Variants in ANKS1B observed in about 807,000 individuals in gnomAD.
The protein encoded by ANKS1B is ankyrin repeat and sterile alpha motif domain-containing protein 1B.
ANKS1B carries 36 observed loss-of-function variants against 148.3 expected under a neutral mutation model. That is an observed-to-expected ratio of 0.24 (90% CI 0.19 to 0.32). ANKS1B has a LOEUF of 0.32. Ranked by LOEUF, ANKS1B falls within the 10% of genes least tolerant of loss-of-function variation. The pLI, the probability that ANKS1B is intolerant of heterozygous loss-of-function variation, is 1.00. For missense variants in ANKS1B, 1,157 were observed against 1,542.6 expected (o/e 0.75, Z 4.19); for synonymous variants, 542 against 560.8 (o/e 0.97, Z 0.47).
At chr12:99,117,952 C>G (rs761993194) in intron 15 of ANKS1B, among the ~76,000 whole-genome samples, 33 of 152,148 alleles carry the variant, frequency 2.2e-4, no homozygotes, top group Non-Finnish European at 4.1e-4. Context: ...AGGGATTTAT[C>G]CATTTCTTCT....
At chr12:99,181,618 A>AT (rs2079120569) in intron 14 of ANKS1B, among the ~76,000 whole-genome samples, 1 of 152,006 alleles carries the variant, frequency 6.6e-6, no homozygotes, top group African/African-American at 2.4e-5. Flanking sequence ...TGGGAAAAAC[A>AT]TTTTTTCAAG....
At chr12:98,988,933 A>G (rs1362913877) in intron 17 of ANKS1B, among the ~76,000 whole-genome samples, 3 of 152,038 alleles carry the variant, frequency 2.0e-5, no homozygotes, top group Non-Finnish European at 4.4e-5. Flanking sequence ...TCCTTTGCCT[A>G]TTTTTAAATT....
At chr12:99,157,880 T>C (rs960955006) in intron 14 of ANKS1B, among the ~76,000 whole-genome samples, 26 of 152,206 alleles carry the variant, frequency 1.7e-4, no homozygotes, top group African/African-American at 6.3e-4. Flanking sequence ...CAGACTGCTA[T>C]ATAAGAACAC....
At chr12:99,707,690 A>G (rs2056026632) in intron 8 of ANKS1B, among the ~76,000 whole-genome samples, 1 of 152,044 alleles carries the variant, frequency 6.6e-6, no homozygotes, top group African/African-American at 2.4e-5. Context: ...ACAGAAAGAA[A>G]GGGCAGCAGG....
At chr12:99,221,021 A>T (rs2085042570) in intron 14 of ANKS1B, among the ~76,000 whole-genome samples, 6 of 152,182 alleles carry the variant, frequency 3.9e-5, no homozygotes, top group Admixed American at 3.9e-4. Flanking sequence ...AGGCTTGATT[A>T]AATAAACTAC....
At chr12:99,216,647 TAG>T (rs2084245590) in intron 14 of ANKS1B, among the ~76,000 whole-genome samples, 1 of 152,220 alleles carries the variant, frequency 6.6e-6, no homozygotes, top group Admixed American at 6.5e-5. Flanking sequence ...AAAATCTTAG[TAG>T]AGATCTGTGG....
At chr12:99,956,041 G>A (rs1315630244) in intron 1 of ANKS1B, among the ~76,000 whole-genome samples, 1 of 152,090 alleles carries the variant, frequency 6.6e-6, no homozygotes, top group Non-Finnish European at 1.5e-5. Flanking sequence ...TTGGGAGGCC[G>A]AGGCAGGCAG....
At chr12:99,544,557 G>A (rs1051616047) in intron 9 of ANKS1B, among the ~76,000 whole-genome samples, 3 of 152,172 alleles carry the variant, frequency 2.0e-5, no homozygotes, top group African/African-American at 7.2e-5. Context: ...AACACAGTAT[G>A]AGCTTTCTTT....
At chr12:99,092,742 G>T (rs934895662) in intron 15 of ANKS1B, among the ~76,000 whole-genome samples, 4 of 152,152 alleles carry the variant, frequency 2.6e-5, no homozygotes, top group African/African-American at 9.7e-5. Context: ...GAAGCAAAAA[G>T]AATTTGCTCC....
rs75441198 is a variant in ANKS1B at position 99,849,457 on chromosome 12, G to A, written c.135-24068C>T. Among the ~76,000 whole-genome samples the A allele has an allele frequency of 7.9e-3, 1,206 of 152,110 alleles. 14 individuals are homozygous for A. The highest frequency in any genetic ancestry group is 0.027 in the African/African-American group (1,140 of 41,494). On this transcript the variant is annotated intron_variant, in intron 1 of 26. Transcript: ENST00000683438. ...CCCTGCTAGTAAAATATAAATTGGT[G>A]CAAACACTGGAAAGTTACTTAGTAG... is the stretch of plus-strand genomic sequence containing the variant.
At chr12:99,773,267 C>G (rs1018966472) in intron 7 of ANKS1B, among the ~76,000 whole-genome samples, 179 bp from the exon 8 acceptor site, 1 of 151,956 alleles carries the variant, frequency 6.6e-6, no homozygotes, top group African/African-American at 2.4e-5. Flanking sequence ...TATTAATGGG[C>G]AAAAGAGATT....
At chr12:99,314,451 T>C (rs912723153) in intron 12 of ANKS1B, among the ~76,000 whole-genome samples, 5 of 152,020 alleles carry the variant, frequency 3.3e-5, no homozygotes, top group African/African-American at 9.7e-5. Flanking sequence ...GAAGACCCCA[T>C]ATATCCAAGA....
At chr12:99,710,788 G>A (rs375577818) in intron 8 of ANKS1B, among the ~76,000 whole-genome samples, 7 of 152,098 alleles carry the variant, frequency 4.6e-5, no homozygotes, top group East Asian at 1.9e-4. Flanking sequence ...GACCTATATA[G>A]ACCCAAAACA....
chr12:98,915,486 G>A (rs2152868794), intron 17 of ANKS1B, among the ~76,000 whole-genome samples: 1 of 152,196 alleles, frequency 6.6e-6, no homozygotes, highest in East Asian at 1.9e-4. Context: ...TGAGTAGCTG[G>A]GACTACAGGC....
chr12:98,885,335 G>A (rs557974908), intron 17 of ANKS1B, among the ~76,000 whole-genome samples: 7 of 152,336 alleles, frequency 4.6e-5, no homozygotes, highest in Admixed American at 2.0e-4. Context: ...ACAGGCTAAA[G>A]AGACACAGTG....
chr12:98,740,544 C>T (rs1009032405), downstream of ANKS1B, among the ~76,000 whole-genome samples: 1 of 152,194 alleles, frequency 6.6e-6, no homozygotes, highest in African/African-American at 2.4e-5. Flanking sequence ...GGATGATCAC[C>T]AATCCCTCTT....
chr12:99,036,970 T>C (rs1315999539), intron 17 of ANKS1B, among the ~76,000 whole-genome samples: 1 of 152,192 alleles, frequency 6.6e-6, no homozygotes, highest in Non-Finnish European at 1.5e-5. Flanking sequence ...GCAGCACTTG[T>C]TTTTCTTTTG....
At chr12:99,388,620 T>C (rs985365924) in intron 12 of ANKS1B, among the ~76,000 whole-genome samples, 1 of 152,160 alleles carries the variant, frequency 6.6e-6, no homozygotes, top group Non-Finnish European at 1.5e-5. Context: ...ATTTATTATC[T>C]CACAGTTTAC....
At chr12:98,845,400 A>G (rs997640132) in intron 17 of ANKS1B, among the ~76,000 whole-genome samples, 4 of 152,184 alleles carry the variant, frequency 2.6e-5, no homozygotes, top group Admixed American at 2.6e-4. Flanking sequence ...TACCTAGCAC[A>G]GTGCCTGGCT....
Sources: allele counts gnomAD v4.1 joint callset (sites outside exome capture counted in the v4.1 genomes callset), GRCh38; gene constraint gnomAD v4.1.1; transcripts MANE v1.5; gene names NCBI Gene and HGNC (gene_info 2026-07-23, HGNC 2026-07-21).